XKR6: variants seen among roughly 807,000 people sequenced by gnomAD.
XKR6 encodes the protein XK-related protein 6.
Under a neutral mutation model 56.7 loss-of-function variants are expected in XKR6, and 22 were observed. The ratio of observed to expected loss-of-function variants is 0.39; its 90% CI spans 0.28 to 0.55. XKR6 has a LOEUF of 0.55. Among genes scored for constraint, XKR6 ranks in the 20% least tolerant of loss-of-function variants. The pLI, the probability that XKR6 is intolerant of heterozygous loss-of-function variation, is 0.66. For missense variants in XKR6, 852 were observed against 889.0 expected (o/e 0.96, Z 0.53); for synonymous variants, 524 against 387.8 (o/e 1.35, Z -4.13).
intron 1 of XKR6, among the ~76,000 whole-genome samples, chr8:11,042,325 C>T (rs763001202): frequency 2.0e-5 from 3 of 151,742 alleles, no homozygotes; most frequent in Non-Finnish European, 4.4e-5. Flanking sequence ...TCATCTTGAA[C>T]TGTAGCTCCC....
intron 1 of XKR6, among the ~76,000 whole-genome samples, chr8:11,072,677 G>A (rs1287743739): frequency 1.3e-5 from 2 of 152,198 alleles, no homozygotes; most frequent in African/African-American, 4.8e-5. Flanking sequence ...GGTCAGGGTG[G>A]GGGTACACTG....
At chr8:10,949,425 C>T (rs1307757788) in intron 1 of XKR6, among the ~76,000 whole-genome samples, 1 of 152,192 alleles carries the variant, frequency 6.6e-6, no homozygotes. Flanking sequence ...GGGCAGGATG[C>T]AGAGCAGGGG....
intron 1 of XKR6, among the ~76,000 whole-genome samples, chr8:11,015,805 A>G (rs1798605986): frequency 6.6e-6 from 1 of 152,062 alleles, no homozygotes; most frequent in African/African-American, 2.4e-5. Context: ...AGAGGAATTG[A>G]GGGTGGGCTC....
chr8:11,009,529 C>A (rs73539402), intron 1 of XKR6, among the ~76,000 whole-genome samples: 4,630 of 152,030 alleles, frequency 0.03, 234 homozygotes, highest in African/African-American at 0.11. Flanking sequence ...CAAAACACAA[C>A]CAAAAAATAG....
Position 10,924,809 on chromosome 8 carries a change from C to T in XKR6, c.786G>A (p.Leu262=), listed in dbSNP as rs762239875. Residue 262 remains leucine (L), a synonymous_variant, in exon 2 of 3, where the codon CTG becomes CTA. Coordinates refer to ENST00000416569, the MANE Select transcript of XKR6 (RefSeq NM_173683.4). The part of the protein sequence containing the change: ...QVWRYIRTMY[L]GIQSQRRKEH... ...CCTTCCGCCGCTGGCTCTGAATCCC[C>T]AGGTACATGGTGCGGATATACCTGC... is the stretch of plus-strand genomic sequence containing the variant. The T allele has an allele frequency of 1.2e-6, 2 of 1,613,858 alleles. No homozygotes were observed. The highest frequency in any genetic ancestry group is 1.7e-6 in the Non-Finnish European group (2 of 1,179,908).
intron 1 of XKR6, among the ~76,000 whole-genome samples, chr8:11,085,700 G>T (rs572614134): frequency 4.6e-5 from 7 of 152,240 alleles, no homozygotes; most frequent in Admixed American, 4.6e-4. Flanking sequence ...CATCGGGCAG[G>T]CCTCCCACAG....
chr8:11,137,539 C>T (rs1449934146), intron 1 of XKR6: 3 of 456,188 alleles, frequency 6.6e-6, no homozygotes, highest in South Asian at 4.6e-5. Context: ...CTGCGGTATA[C>T]CCATCACCCC....
At chr8:10,903,687 G>A (rs913318674) in intron 2 of XKR6, among the ~76,000 whole-genome samples, 2 of 152,092 alleles carry the variant, frequency 1.3e-5, no homozygotes, top group African/African-American at 4.8e-5. Context: ...ACACACACAG[G>A]GGGATGACCA....
At chr8:11,055,552 G>A (rs931644921) in intron 1 of XKR6, among the ~76,000 whole-genome samples, 4 of 152,166 alleles carry the variant, frequency 2.6e-5, no homozygotes, top group Admixed American at 6.5e-5. Flanking sequence ...GGTTCCGCCC[G>A]CCCCGCCTCA....
intron 1 of XKR6, among the ~76,000 whole-genome samples, chr8:10,960,008 A>AGG (rs145985562): frequency 6.6e-6 from 1 of 151,612 alleles, no homozygotes; most frequent in African/African-American, 2.4e-5. Context: ...CCTGAAGGTC[A>AGG]GGGGGGGGCC....
rs2116912799 is a variant in XKR6, at chr8:11,135,551, T to A, written c.764+65025A>T. On this transcript the variant is annotated intron_variant, in intron 1 of 2. Transcript: ENST00000416569. Reference sequence around the variant, plus strand: ...TAAATAGTTGATCTATTATCGGTCATTTAGGCCTTTTTCTAATTCTTGCTG... The same window carrying A: ...TAAATAGTTGATCTATTATCGGTCAATTAGGCCTTTTTCTAATTCTTGCTG... Among the ~76,000 whole-genome samples the A allele has an allele frequency of 1.3e-5, 2 of 152,328 alleles. 1 individual carries two copies. The highest frequency in any genetic ancestry group is 1.3e-4 in the Admixed American group (2 of 15,298).
chr8:11,199,165 T>C (rs184727825), intron 1 of XKR6, among the ~76,000 whole-genome samples: 141 of 152,318 alleles, frequency 9.3e-4, no homozygotes, highest in Middle Eastern at 3.4e-3. Context: ...AAAAAAGCTG[T>C]TTGGTTCAGC....
In XKR6 at chr8:11,200,549, C is replaced by T. The variant is rs746148328; in HGVS notation, c.764+27G>A. 5 of 1,437,348 alleles carry T rather than the reference C, an allele frequency of 3.5e-6. No individual in the cohort carries two copies. The South Asian group carries it at 4.5e-5, about 13-fold the overall frequency. The allele number at this position is 1,437,348 out of a possible 1,614,324, so 89.0% of individuals were successfully genotyped here. A position where few individuals can be genotyped will look rare whatever the true frequency, so the allele number is the denominator to read the frequency against. ...GCGGAGGGGGGCTCCTCAGGGCCGG[C>T]CCGCCCCCACCCCGCAGTGCTCTTA... On this transcript the variant is annotated intron_variant, in intron 1 of 2. Coordinates refer to ENST00000416569, the MANE Select transcript of XKR6 (RefSeq NM_173683.4). The surrounding 1 kb of genome is among the most constrained non-coding windows in gnomAD (Gnocchi z 6.4).
intron 1 of XKR6, among the ~76,000 whole-genome samples, chr8:11,167,911 A>C (rs1563189450): frequency 1.5e-5 from 2 of 131,856 alleles, no homozygotes; most frequent in Non-Finnish European, 3.3e-5. Flanking sequence ...AAAAAAAAAA[A>C]ACCACACACA....
intron 1 of XKR6, among the ~76,000 whole-genome samples, chr8:10,983,948 C>T (rs577683971): frequency 2.4e-4 from 36 of 152,272 alleles, no homozygotes; most frequent in African/African-American, 7.9e-4. Context: ...AGCCACTGCG[C>T]CCGGCCTTAC....
At chr8:11,065,358 A>C (rs1464073917) in intron 1 of XKR6, among the ~76,000 whole-genome samples, 3 of 152,146 alleles carry the variant, frequency 2.0e-5, no homozygotes, top group African/African-American at 7.2e-5. Context: ...CAGGGGTTCT[A>C]TCATGTAATC....
At chr8:11,170,672 A>G (rs1802320375) in intron 1 of XKR6, among the ~76,000 whole-genome samples, 1 of 152,220 alleles carries the variant, frequency 6.6e-6, no homozygotes, top group African/African-American at 2.4e-5. Context: ...CAATCGCACA[A>G]TCTAAGTGGG....
At chr8:10,989,942 G>T (rs1369019606) in intron 1 of XKR6, among the ~76,000 whole-genome samples, 1 of 152,210 alleles carries the variant, frequency 6.6e-6, no homozygotes, top group Non-Finnish European at 1.5e-5. Flanking sequence ...CAGACGAAGT[G>T]TGTCATGCTT....
At chr8:11,126,557 T>G (rs1000812801) in intron 1 of XKR6, among the ~76,000 whole-genome samples, 1 of 152,190 alleles carries the variant, frequency 6.6e-6, no homozygotes, top group African/African-American at 2.4e-5. Context: ...ACTTCTCAGC[T>G]TTGCAACGCA....
Sources: gnomAD v4.1 joint callset for allele counts (sites outside exome capture counted in the v4.1 genomes callset) on GRCh38, gnomAD v4.1.1 for gene constraint, Gnocchi (gnomAD v3.1) non-coding constraint, MANE v1.5 for transcripts, NCBI Gene and HGNC (gene_info 2026-07-23, HGNC 2026-07-21) for gene names.